The following DMD variants were observed in gnomAD, a reference collection of about 807,000 sequenced individuals.
The protein encoded by DMD is mutant dystrophin.
In DMD, 63 loss-of-function variants were observed where a neutral mutation model predicts 330.1. The ratio of observed to expected loss-of-function variants is 0.19; its 90% CI spans 0.16 to 0.24. DMD has a LOEUF of 0.24. Among genes scored for constraint, DMD ranks in the 10% least tolerant of loss-of-function variants. The pLI, the probability that DMD is intolerant of heterozygous loss-of-function variation, is 1.00. For missense variants in DMD, 3,344 were observed against 2,684.1 expected, an observed-to-expected ratio of 1.25 and a Z score of -5.43; for synonymous variants, 1,223 against 959.8, an observed-to-expected ratio of 1.27 and a Z score of -5.07.
intron 4 of DMD, among the ~76,000 whole-genome samples, chrX:32,829,374 C>T (rs2078990197): frequency 9.0e-6 from 1 of 111,352 alleles, no homozygotes; most frequent in South Asian, 3.7e-4. Context: ...TTGTATTGTA[C>T]GAGAAAATCA....
chrX:33,220,303 G>A (rs900669003), intron 1 of DMD, among the ~76,000 whole-genome samples: 2 of 110,825 alleles, frequency 1.8e-5, no homozygotes, highest in African/African-American at 3.3e-5. Flanking sequence ...AGAATTTTTA[G>A]CAAGCAGGCT....
At chrX:31,888,779 T>C (rs1440516936) in intron 47 of DMD, among the ~76,000 whole-genome samples, 2 of 112,204 alleles carry the variant, frequency 1.8e-5, no homozygotes, top group African/African-American at 6.5e-5. Context: ...TGTGGTTATA[T>C]GCCACCAGAT....
chrX:33,294,384 C>T (rs1009071103), intron 1 of DMD, among the ~76,000 whole-genome samples: 2 of 110,942 alleles, frequency 1.8e-5, no homozygotes, highest in African/African-American at 3.3e-5. Flanking sequence ...GTTTATATTT[C>T]GCCATAGTTT....
intron 55 of DMD, among the ~76,000 whole-genome samples, chrX:31,598,414 T>A (rs767714799): frequency 1.8e-5 from 2 of 111,930 alleles, no homozygotes; most frequent in African/African-American, 6.5e-5. Flanking sequence ...GTGAGCCACC[T>A]TGCCTGGCTG....
Position 33,026,344 on chromosome X carries a change from A to G in DMD, c.32-6144T>C, listed in dbSNP as rs866669545. The stretch of plus-strand genomic sequence containing the variant: ...AAAAAAAAAAAAAAAAAAAAAAAAA[A>G]AAAGAAAGAAAAGAAAATAAAGAAC... On this transcript the variant is annotated intron_variant, in intron 1 of 78. Transcript: ENST00000357033. 1.7e-3 allele frequency among the ~76,000 whole-genome samples: 164 copies of G among 98,791 alleles called. 1 individual carries two copies. Among genetic ancestry groups the G allele is most frequent in the African/African-American group, 5.7e-3 (149 of 26,068 alleles). The allele number at this position is 98,791 out of a possible 115,157, so 85.8% of individuals were successfully genotyped here.
chrX:32,200,360 A>C (rs1326379289), intron 44 of DMD, among the ~76,000 whole-genome samples: 1 of 112,124 alleles, frequency 8.9e-6, no homozygotes, highest in Non-Finnish European at 1.9e-5. Context: ...AAATAACAAA[A>C]TACGTAATTT....
chrX:32,064,704 T>C (rs1171391846), intron 44 of DMD, among the ~76,000 whole-genome samples: 1 of 111,006 alleles, frequency 9.0e-6, no homozygotes, highest in Non-Finnish European at 1.9e-5. Flanking sequence ...TGTGTGGGTA[T>C]ATGGTGAGCT....
intron 60 of DMD, among the ~76,000 whole-genome samples, chrX:31,372,646 T>C (rs934896490): frequency 9.0e-6 from 1 of 111,548 alleles, no homozygotes; most frequent in African/African-American, 3.3e-5. Context: ...AAACTCTCAA[T>C]AAATTAGGTA....
intron 7 of DMD, among the ~76,000 whole-genome samples, chrX:32,728,146 GCT>G (rs1427634046): frequency 9.0e-6 from 1 of 110,886 alleles, no homozygotes; most frequent in Non-Finnish European, 1.9e-5. Context: ...CTACTCTTAT[GCT>G]CTTACACTGC....
intron 29 of DMD, among the ~76,000 whole-genome samples, chrX:32,418,972 CAAAAAAAAAAAA>C (rs1160282195): frequency 1.7e-3 from 23 of 13,508 alleles, no homozygotes; most frequent in South Asian, 4.8e-3. Flanking sequence ...GACTCTGTCT[CAAAAAAAAAAAA>C]AAAAAAAAAA....
At chrX:32,543,196 G>T (rs7888911) in intron 17 of DMD, among the ~76,000 whole-genome samples, 15,787 of 111,168 alleles carry the variant, frequency 0.14, 1,752 homozygotes, top group African/African-American at 0.37. Flanking sequence ...GAATCTTTCT[G>T]TATGTGCCCA....
At chrX:31,215,805 T>C (rs910868083) in intron 64 of DMD, among the ~76,000 whole-genome samples, 10 of 112,268 alleles carry the variant, frequency 8.9e-5, no homozygotes, top group African/African-American at 3.2e-4. Flanking sequence ...GGAGGGACAA[T>C]TGGGACAGCT....
At chrX:31,988,473 CAAAAAAAAAAA>C (rs11352664) in intron 44 of DMD, among the ~76,000 whole-genome samples, 2 of 24,150 alleles carry the variant, frequency 8.3e-5, no homozygotes, top group African/African-American at 3.0e-4. Flanking sequence ...GACTCCATCT[CAAAAAAAAAAA>C]AAAAAAAAAA....
At chrX:31,622,846 T>TTATATATATATA (rs757102035) in intron 55 of DMD, among the ~76,000 whole-genome samples, 2 of 74,204 alleles carry the variant, frequency 2.7e-5, no homozygotes, top group Admixed American at 1.7e-4. Context: ...CAGAAAAATT[T>TTATATATATATA]TATATATATA....
chrX:32,807,754 T>C (rs953358616), intron 7 of DMD, among the ~76,000 whole-genome samples: 1 of 111,748 alleles, frequency 8.9e-6, no homozygotes, highest in African/African-American at 3.2e-5. Flanking sequence ...CTGATTATGA[T>C]GTGGATGCCC....
At chrX:32,579,210 CAT>C (rs1178164682) in intron 13 of DMD, among the ~76,000 whole-genome samples, 3 of 111,980 alleles carry the variant, frequency 2.7e-5, no homozygotes, top group Non-Finnish European at 5.6e-5. Flanking sequence ...CACTGTATAA[CAT>C]ATGGTACAGG....
At chrX:31,896,732 T>C (rs1057051387) in intron 47 of DMD, among the ~76,000 whole-genome samples, 1 of 111,172 alleles carries the variant, frequency 9.0e-6, no homozygotes. Context: ...GCAAATCTCT[T>C]CTTTTACTTT....
chrX:31,510,563 A>C (rs1178443065), intron 55 of DMD, among the ~76,000 whole-genome samples: 2 of 99,047 alleles, frequency 2.0e-5, no homozygotes, highest in South Asian at 9.8e-4. Context: ...GCTGGAGCAC[A>C]GTGGCGCGAT....
At chrX:32,744,518 G>A (rs1022096647) in intron 7 of DMD, among the ~76,000 whole-genome samples, 14 of 110,887 alleles carry the variant, frequency 1.3e-4, no homozygotes, top group Admixed American at 5.8e-4. Flanking sequence ...TATACATGGT[G>A]GCCTAGTAGA....
Sources: allele counts gnomAD v4.1 joint callset (sites outside exome capture counted in the v4.1 genomes callset), GRCh38; gene constraint gnomAD v4.1.1; transcripts MANE v1.5; gene names NCBI Gene and HGNC (gene_info 2026-07-23, HGNC 2026-07-21).